The following ADAMTS17 variants were observed in gnomAD, a reference collection of about 807,000 sequenced individuals.
ADAMTS17 encodes the protein A disintegrin and metalloproteinase with thrombospondin motifs 17.
In ADAMTS17, 113 loss-of-function variants were observed where a neutral mutation model predicts 141.5. The ratio of observed to expected loss-of-function variants is 0.80; its 90% CI spans 0.69 to 0.93. The LOEUF (loss-of-function observed/expected upper bound fraction) is 0.93. Among genes scored for constraint, ADAMTS17 ranks in the 40% least tolerant of loss-of-function variants. The probability of loss-of-function intolerance (pLI) is 0.00; values close to 1 mark genes in which losing one functional copy is unlikely to be tolerated. For synonymous variants in ADAMTS17, 768 were observed against 630.6 expected (o/e 1.22, Z -3.27); for missense variants, 1,659 against 1,517.9 (o/e 1.09, Z -1.54).
At chr15:100,112,015 A>C (rs1284562631) in intron 13 of ADAMTS17, among the ~76,000 whole-genome samples, 10 of 152,242 alleles carry the variant, frequency 6.6e-5, no homozygotes, top group Non-Finnish European at 1.2e-4. Context: ...CACCAGTTTC[A>C]TGCATGTTTC....
chr15:100,083,052 G>C (rs1328544400), intron 15 of ADAMTS17, among the ~76,000 whole-genome samples: 1 of 152,132 alleles, frequency 6.6e-6, no homozygotes, highest in Non-Finnish European at 1.5e-5. Context: ...CTGGAAATAT[G>C]GAAGTAACAC....
chr15:100,336,937 G>A (rs1189322826), intron 2 of ADAMTS17, among the ~76,000 whole-genome samples: 1 of 152,150 alleles, frequency 6.6e-6, no homozygotes, highest in Non-Finnish European at 1.5e-5. Flanking sequence ...GCATTGGCGG[G>A]ATCTCACCTC....
chr15:99,996,904 C>A (rs776400452), intron 19 of ADAMTS17, among the ~76,000 whole-genome samples: 5 of 152,274 alleles, frequency 3.3e-5, no homozygotes, highest in Admixed American at 1.3e-4. Context: ...AGACTTAAGG[C>A]TTAATCCACT....
chr15:100,096,773 G>A (rs548887698), intron 14 of ADAMTS17, among the ~76,000 whole-genome samples: 4 of 152,360 alleles, frequency 2.6e-5, no homozygotes, highest in South Asian at 4.1e-4. Flanking sequence ...GAGGCCTGAC[G>A]CCCTGACTGC....
chr15:100,123,012 G>A (rs554298863), intron 12 of ADAMTS17, among the ~76,000 whole-genome samples: 1 of 152,344 alleles, frequency 6.6e-6, no homozygotes, highest in Admixed American at 6.5e-5. Context: ...GGGGGAGGGT[G>A]TGGCTGGCAG....
intron 4 of ADAMTS17, 65 bp from the exon 5 acceptor site, chr15:100,262,500 C>T: frequency 1.6e-6 from 2 of 1,228,476 alleles, no homozygotes; most frequent in South Asian, 1.3e-5. Flanking sequence ...CAGTAGTATC[C>T]TAGATGGGAA....
chr15:100,123,477 G>A (rs375210040), intron 12 of ADAMTS17, among the ~76,000 whole-genome samples: 19 of 152,298 alleles, frequency 1.2e-4, no homozygotes, highest in African/African-American at 4.3e-4. Flanking sequence ...CCAAGGCTCC[G>A]AGGTCCCATG....
chr15:100,138,948 C>G (rs1388567898), intron 10 of ADAMTS17, among the ~76,000 whole-genome samples: 3 of 152,168 alleles, frequency 2.0e-5, no homozygotes, highest in Admixed American at 2.0e-4. Flanking sequence ...CAAAAATTAT[C>G]AGTGATTTCC....
Position 100,070,549 on chromosome 15 carries a change from A to G in ADAMTS17, c.2138-16495T>C, listed in dbSNP as rs555125874. ...GAAATTATAACAAACTGTCTCTCAG[A>G]CCACGGTGCAATCAAACTAGAACTC... On this transcript the variant is annotated intron_variant, in intron 15 of 21. Transcript: ENST00000268070. 2.0e-5 allele frequency among the ~76,000 whole-genome samples: 3 copies of G among 150,330 alleles called. No individual in the cohort carries two copies. The East Asian group carries it at 5.8e-4, about 29-fold the overall frequency.
intron 15 of ADAMTS17, among the ~76,000 whole-genome samples, chr15:100,057,711 G>C (rs755379640): frequency 6.6e-6 from 1 of 152,134 alleles, no homozygotes; most frequent in African/African-American, 2.4e-5. Context: ...CCCCAAACAG[G>C]GGGACTTTTG....
rs531190347 is a variant in ADAMTS17 at position 100,213,950 on chromosome 15, C to T, written c.1076-14527G>A. On this transcript the variant is annotated intron_variant, in intron 7 of 21. Coordinates refer to ENST00000268070, the MANE Select transcript of ADAMTS17 (RefSeq NM_139057.4). The stretch of plus-strand genomic sequence containing the variant: ...TTTGTTCCATGGTAGCTCTTTTTTT[C>T]TCCTTTCTGATGAATTTACAAAAGA... Among the ~76,000 whole-genome samples the T allele has an allele frequency of 6.6e-5, 10 of 152,218 alleles. No homozygotes were observed. In the South Asian group the frequency reaches 2.1e-3, roughly 32 times the overall value.
chr15:100,078,082 T>C (rs1361076070), intron 15 of ADAMTS17, among the ~76,000 whole-genome samples: 4 of 152,212 alleles, frequency 2.6e-5, no homozygotes, highest in Non-Finnish European at 5.9e-5. Context: ...AATACATTGC[T>C]GAAAGGTATT....
intron 18 of ADAMTS17, among the ~76,000 whole-genome samples, chr15:100,001,347 CTT>C (rs1473594415): frequency 3.9e-5 from 5 of 127,004 alleles, no homozygotes; most frequent in African/African-American, 1.4e-4. Context: ...AAACTGGTCT[CTT>C]TTCCTTTTTT....
intron 15 of ADAMTS17, among the ~76,000 whole-genome samples, chr15:100,085,989 T>A (rs13380127): frequency 1.3e-5 from 2 of 149,296 alleles, no homozygotes; most frequent in African/African-American, 5.0e-5. Flanking sequence ...CAAATTCACA[T>A]ATAACAATAT....
intron 7 of ADAMTS17, among the ~76,000 whole-genome samples, chr15:100,224,809 C>T (rs1199728966): frequency 6.6e-6 from 1 of 152,234 alleles, no homozygotes; most frequent in Non-Finnish European, 1.5e-5. Context: ...GGGCCAACCC[C>T]AAGGCTCTCA....
Position 100,155,336 on chromosome 15 carries a change from G to A in ADAMTS17, c.1182-16C>T, listed in dbSNP as rs746045532. On this transcript the variant is annotated splice_polypyrimidine_tract_variant and intron_variant, in intron 8 of 21. Coordinates refer to ENST00000268070, the MANE Select transcript of ADAMTS17 (RefSeq NM_139057.4). The stretch of plus-strand genomic sequence containing the variant: ...CATGCCCAAGCTGTCCAAGAAGGAG[G>A]AGAGAGGGATGCTTATGCTACAAGC... 1.9e-6 allele frequency: 3 copies of A among 1,611,728 alleles called. No individual in the cohort carries two copies. In the African/African-American group the frequency reaches 4.0e-5, roughly 21 times the overall value.
At chr15:100,318,937 C>T (rs555734077) in intron 3 of ADAMTS17, among the ~76,000 whole-genome samples, 6 of 152,332 alleles carry the variant, frequency 3.9e-5, no homozygotes, top group East Asian at 1.9e-4. Context: ...AGGATACCAG[C>T]GGGACATGGG....
At chr15:100,097,718 T>C (rs1424113665) in intron 14 of ADAMTS17, among the ~76,000 whole-genome samples, 1 of 152,256 alleles carries the variant, frequency 6.6e-6, no homozygotes, top group African/African-American at 2.4e-5. Flanking sequence ...CAGGTCTGGG[T>C]GCACCTGAGA....
intron 3 of ADAMTS17, among the ~76,000 whole-genome samples, chr15:100,324,004 C>T (rs925471331): frequency 1.4e-5 from 2 of 148,088 alleles, no homozygotes; most frequent in African/African-American, 5.0e-5. Context: ...TCAGTCACAT[C>T]CGTAAACGTT....
Sources: gnomAD v4.1 joint callset for allele counts (sites outside exome capture counted in the v4.1 genomes callset) on GRCh38, gnomAD v4.1.1 for gene constraint, MANE v1.5 for transcripts, NCBI Gene and HGNC (gene_info 2026-07-23, HGNC 2026-07-21) for gene names.